BNC2: variants seen among roughly 807,000 people sequenced by gnomAD.
BNC2 encodes the protein zinc finger protein basonuclin-2.
Under a neutral mutation model 76.3 loss-of-function variants are expected in BNC2, and 20 were observed. That is an observed-to-expected ratio of 0.26 (90% CI 0.18 to 0.38). The LOEUF (loss-of-function observed/expected upper bound fraction) is 0.38. Among genes scored for constraint, BNC2 ranks in the 10% least tolerant of loss-of-function variants. The probability of loss-of-function intolerance (pLI) is 1.00; values close to 1 mark genes in which losing one functional copy is unlikely to be tolerated. For missense variants in BNC2, 1,382 were observed against 1,399.8 expected (o/e 0.99, Z 0.20); for synonymous variants, 582 against 514.8 (o/e 1.13, Z -1.77).
intron 3 of BNC2, among the ~76,000 whole-genome samples, chr9:16,616,687 T>G (rs890736023): frequency 5.0e-5 from 6 of 120,546 alleles, no homozygotes; most frequent in African/African-American, 2.0e-4. Flanking sequence ...AGATCCTCTC[T>G]CAAAAAAAAA....
chr9:16,484,814 A>G (rs529377184), intron 5 of BNC2, among the ~76,000 whole-genome samples: 120 of 152,322 alleles, frequency 7.9e-4, no homozygotes, highest in Non-Finnish European at 1.3e-3. Context: ...CAAAAGCAAT[A>G]TGCCAGGCAC....
intron 5 of BNC2, among the ~76,000 whole-genome samples, chr9:16,484,323 G>A (rs1822117068): frequency 6.6e-6 from 1 of 152,186 alleles, no homozygotes. Context: ...TACAGCCAGA[G>A]AGTGCTCGAG....
intron 3 of BNC2, among the ~76,000 whole-genome samples, chr9:16,693,127 CAAAA>C (rs34223075): frequency 1.6e-3 from 97 of 60,436 alleles, no homozygotes; most frequent in African/African-American, 6.8e-3. Context: ...AAGACAGTCT[CAAAA>C]AAAAAAAAAA....
intron 3 of BNC2, among the ~76,000 whole-genome samples, chr9:16,674,634 A>G (rs10962532): frequency 0.14 from 21,837 of 152,220 alleles, 2,506 homozygotes; most frequent in East Asian, 0.58. Flanking sequence ...CTTTAAGACA[A>G]TAACAGATAT....
chr9:16,598,077 G>C lies in BNC2; in HGVS notation c.331-14992C>G, dbSNP rs953391585. Among the ~76,000 whole-genome samples, 27 of 152,106 alleles carry C rather than the reference G, an allele frequency of 1.8e-4. No individual in the cohort carries two copies. The East Asian group carries it at 2.5e-3, about 14-fold the overall frequency. ...ATTCATAATAGTAGCATAATTGATA[G>C]AAATGAAATAAAATCTTTGTTACTA... On this transcript the variant is annotated intron_variant, in intron 3 of 6. Coordinates refer to ENST00000380672, the MANE Select transcript of BNC2 (RefSeq NM_017637.6).
intron 6 of BNC2, chr9:16,429,646 T>A (rs539443409): frequency 1.3e-5 from 3 of 233,084 alleles, no homozygotes; most frequent in Non-Finnish European, 2.6e-5. Context: ...AAAATAAGAG[T>A]TATATAGAAG....
At chr9:16,819,615 C>G (rs1425291883) in intron 1 of BNC2, among the ~76,000 whole-genome samples, 1 of 151,984 alleles carries the variant, frequency 6.6e-6, no homozygotes, top group Admixed American at 6.5e-5. Flanking sequence ...TGAGATCATG[C>G]CACTGCACTC....
chr9:16,467,711 T>C (rs13297644), intron 5 of BNC2, among the ~76,000 whole-genome samples: 54,141 of 137,164 alleles, frequency 0.39, 11,066 homozygotes, highest in East Asian at 0.57. Context: ...AGGGATAGCA[T>C]TGGGAGATAT....
chr9:16,544,809 CAA>C (rs60198484), intron 5 of BNC2, among the ~76,000 whole-genome samples: 26 of 82,524 alleles, frequency 3.2e-4, no homozygotes, highest in Admixed American at 2.9e-4. Flanking sequence ...GACTCCACCT[CAA>C]AAAAAAAAAA....
chr9:16,812,765 A>G (rs1267547720), intron 1 of BNC2, among the ~76,000 whole-genome samples: 1 of 152,228 alleles, frequency 6.6e-6, no homozygotes, highest in African/African-American at 2.4e-5. Flanking sequence ...ACGTTTAGCT[A>G]TAACTTCTGA....
At chr9:16,612,206 C>T (rs1438038099) in intron 3 of BNC2, among the ~76,000 whole-genome samples, 1 of 152,116 alleles carries the variant, frequency 6.6e-6, no homozygotes, top group Non-Finnish European at 1.5e-5. Context: ...TTCCAGAAAC[C>T]ATGCAATCCT....
intron 5 of BNC2, among the ~76,000 whole-genome samples, chr9:16,542,220 T>G (rs1481890981): frequency 6.6e-6 from 1 of 151,996 alleles, no homozygotes; most frequent in Non-Finnish European, 1.5e-5. Context: ...GGGGCTAATG[T>G]AAGAAATACA....
intron 1 of BNC2, among the ~76,000 whole-genome samples, chr9:16,756,005 G>A (rs915980110): frequency 8.5e-5 from 13 of 152,158 alleles, no homozygotes; most frequent in Admixed American, 8.5e-4. Context: ...CCAAACCAAC[G>A]CTAGATATGT....
chr9:16,561,878 C>T (rs1188986360), intron 4 of BNC2, among the ~76,000 whole-genome samples: 1 of 152,014 alleles, frequency 6.6e-6, no homozygotes, highest in African/African-American at 2.4e-5. Flanking sequence ...GTGGCACGTG[C>T]CTGTAGTCCC....
At chr9:16,531,325 G>A (rs1183515502) in intron 5 of BNC2, among the ~76,000 whole-genome samples, 2 of 151,554 alleles carry the variant, frequency 1.3e-5, no homozygotes, top group Non-Finnish European at 2.9e-5. Flanking sequence ...TCCTTCACAT[G>A]TGCAAAAACA....
intron 1 of BNC2, among the ~76,000 whole-genome samples, chr9:16,763,390 C>T (rs562377603): frequency 1.0e-4 from 15 of 150,688 alleles, no homozygotes; most frequent in African/African-American, 3.2e-4. Flanking sequence ...GGAAACATGA[C>T]AAAACCCCAT....
intron 3 of BNC2, among the ~76,000 whole-genome samples, chr9:16,624,283 C>G (rs922608540): frequency 6.6e-6 from 1 of 152,106 alleles, no homozygotes; most frequent in African/African-American, 2.4e-5. Context: ...ACCACCTTCA[C>G]GTGGACTTGC....
At chr9:16,640,406 T>C (rs1821458850) in intron 3 of BNC2, among the ~76,000 whole-genome samples, 1 of 152,230 alleles carries the variant, frequency 6.6e-6, no homozygotes, top group African/African-American at 2.4e-5. Flanking sequence ...TTTTACAATG[T>C]TTAACAAAAC....
chr9:16,488,527 T>G (rs1206953814), intron 5 of BNC2, among the ~76,000 whole-genome samples: 3 of 152,166 alleles, frequency 2.0e-5, no homozygotes, highest in Non-Finnish European at 4.4e-5. Flanking sequence ...GGGAAACAAA[T>G]TTTTTTCTAA....
Sources: allele counts gnomAD v4.1 joint callset (sites outside exome capture counted in the v4.1 genomes callset), GRCh38; gene constraint gnomAD v4.1.1; transcripts MANE v1.5; gene names NCBI Gene and HGNC (gene_info 2026-07-23, HGNC 2026-07-21).